Variants in HEATR9 observed in about 807,000 individuals in gnomAD.
The protein encoded by HEATR9 is protein HEATR9.
In HEATR9, 54 loss-of-function variants were observed where a neutral mutation model predicts 68.2. The observed-to-expected ratio is 0.79, with a 90% CI of 0.64 to 0.99. The LOEUF (loss-of-function observed/expected upper bound fraction) is 0.99. Ranked by LOEUF, HEATR9 falls within the 50% of genes least tolerant of loss-of-function variation. The probability of loss-of-function intolerance (pLI) is 0.00; values close to 1 mark genes in which losing one functional copy is unlikely to be tolerated. For synonymous variants in HEATR9, 241 were observed against 253.5 expected (o/e 0.95, Z 0.47); for missense variants, 662 against 679.7 (o/e 0.97, Z 0.29).
At chr17:35,856,396 A>G in intron 12 of HEATR9, 172 bp from the exon 13 acceptor site, 1 of 1,533,228 alleles carries the variant, frequency 6.5e-7, no homozygotes, top group South Asian at 1.2e-5. Context: ...AAAAAGAGGC[A>G]CCACAGTTTG....
intron 8 of HEATR9, among the ~76,000 whole-genome samples, chr17:35,859,805 C>A (rs982327043): frequency 6.6e-6 from 1 of 152,198 alleles, no homozygotes; most frequent in Non-Finnish European, 1.5e-5. Flanking sequence ...TACTGTTTTT[C>A]CCTGGGCAGT....
chr17:35,855,063 T>G lies in HEATR9; in HGVS notation c.1713A>C (p.Ter571TyrextTer31). The G allele has an allele frequency of 1.9e-6, 3 of 1,610,318 alleles. No homozygotes were observed. The highest frequency in any genetic ancestry group is 2.5e-6 in the Non-Finnish European group (3 of 1,178,292). The change falls in exon 15 of 15, where the codon TAA (stop) becomes TAC (tyrosine). Residue 571 changes from the stop codon to tyrosine, a stop_lost. Coordinates refer to ENST00000604834, the MANE Select transcript of HEATR9 (RefSeq NM_152781.4). ...CGGGGAGTAGGCCCAAAGAATTGAC[T>G]TATTTGGCAATTTCAGCAAGGACCC... ...QLRVLAEIAK[*>Y] is the part of the protein sequence containing the mutation.
chr17:35,859,748 G>C (rs557451426), intron 8 of HEATR9, among the ~76,000 whole-genome samples: 1 of 152,214 alleles, frequency 6.6e-6, no homozygotes, highest in Non-Finnish European at 1.5e-5. Context: ...TTGTTAAAAT[G>C]TGTGAGCACA....
intron 8 of HEATR9, chr17:35,861,436 C>A: frequency 1.2e-6 from 2 of 1,605,388 alleles, no homozygotes; most frequent in Non-Finnish European, 1.7e-6. Flanking sequence ...GCGAGGATTG[C>A]GCTTCTTTTT....
intron 8 of HEATR9, among the ~76,000 whole-genome samples, chr17:35,862,347 A>G (rs2088024223): frequency 6.6e-6 from 1 of 152,184 alleles, no homozygotes; most frequent in Admixed American, 6.5e-5. Flanking sequence ...TAAATGGATG[A>G]ATGATGGATT....
intron 7 of HEATR9, 98 bp downstream of exon 7, chr17:35,863,404 G>A: frequency 2.3e-6 from 3 of 1,304,460 alleles, no homozygotes; most frequent in Non-Finnish European, 3.3e-6. Context: ...CAAATGGTAG[G>A]TTGGAGCAAG....
intron 2 of HEATR9, 71 bp downstream of exon 2, chr17:35,866,653 G>C: frequency 7.1e-7 from 1 of 1,413,634 alleles, no homozygotes; most frequent in East Asian, 2.3e-5. Context: ...TGGCTTTAAT[G>C]GGAAGGGATA....
In HEATR9 at chr17:35,858,955, C is replaced by G; in HGVS notation, c.872G>C (p.Cys291Ser). 1 of 1,614,200 alleles carries G rather than the reference C, an allele frequency of 6.2e-7. No individual in the cohort carries two copies. Among genetic ancestry groups the G allele is most frequent in the African/African-American group, 1.3e-5 (1 of 75,042 alleles). Residue 291 changes from cysteine (C) to serine (S), a missense_variant, in exon 9 of 15, where the codon TGC (cysteine) becomes TCC (serine). By Grantham distance (112) the Cys-to-Ser change is moderately radical. Coordinates refer to ENST00000604834, the MANE Select transcript of HEATR9 (RefSeq NM_152781.4). ...CAAGAACTCTTGGACCATGTTGCTG[C>G]AAGGCCTCAGGAAACCCAGGCACAG... ...AALCLGFLRP[C>S]SNMVQEFLLQ... is the part of the protein sequence containing the mutation.
chr17:35,858,839 A>G (rs2087870979), intron 9 of HEATR9, 49 bp downstream of exon 9: 1 of 1,590,752 alleles, frequency 6.3e-7, no homozygotes, highest in South Asian at 1.1e-5. Flanking sequence ...CACACAATTC[A>G]GCAGTGGCTT....
chr17:35,857,211 C>G (rs1158551786), intron 11 of HEATR9, among the ~76,000 whole-genome samples: 2 of 152,062 alleles, frequency 1.3e-5, no homozygotes, highest in Non-Finnish European at 2.9e-5. Flanking sequence ...AGAGAGGTGA[C>G]CAAATGGACT....
intron 11 of HEATR9, among the ~76,000 whole-genome samples, chr17:35,857,265 T>C (rs2087806644): frequency 6.6e-6 from 1 of 152,036 alleles, no homozygotes; most frequent in African/African-American, 2.4e-5. Flanking sequence ...GGACAACAGG[T>C]ATAAATCAGG....
At position 35,859,090 on chromosome 17, in the gene HEATR9, G is replaced by C. The variant is rs186645773; in HGVS notation, c.757-20C>G. Reference sequence around the variant, plus strand: ...AGTCCTCTGTGAGGGAGACAAAATGGCTAAGGGGAGGGGCTATGTACTTTA... The same window carrying C: ...AGTCCTCTGTGAGGGAGACAAAATGCCTAAGGGGAGGGGCTATGTACTTTA... On this transcript the variant is annotated intron_variant, in intron 8 of 14. Coordinates refer to ENST00000604834, the MANE Select transcript of HEATR9 (RefSeq NM_152781.4). 7.5e-6 allele frequency: 12 copies of C among 1,610,512 alleles called. No individual in the cohort carries two copies. In the East Asian group the frequency reaches 2.7e-4, roughly 36 times the overall value.
At chr17:35,864,588 A>C (rs756468550) in intron 4 of HEATR9, 35 bp from the exon 5 acceptor site, 1 of 1,598,942 alleles carries the variant, frequency 6.3e-7, no homozygotes, top group East Asian at 2.2e-5. Context: ...AAAGGAAGAC[A>C]GAGAAAAATA....
rs1598601537 is a variant in HEATR9 at position 35,864,249 on chromosome 17, C to T, written c.564G>A (p.Gln188=). 6.2e-7 allele frequency: 1 copy of T among 1,610,654 alleles called. No homozygotes were observed. Among genetic ancestry groups the T allele is most frequent in the Non-Finnish European group, 8.5e-7 (1 of 1,176,796 alleles). ...SDKFVMEALQ[Q]VAQTGPEKVK... ...CTCCAGCAGTTCTCAGACTCACCAC[C>T]TGCTGTAGTGCCTCCATGACAAACT... The change falls in exon 6 of 15, where the codon CAG becomes CAA. Residue 188 remains glutamine (Q), a synonymous_variant. Transcript: ENST00000604834.
At chr17:35,857,776 A>G (rs992043451) in intron 11 of HEATR9, among the ~76,000 whole-genome samples, 5 of 152,160 alleles carry the variant, frequency 3.3e-5, no homozygotes, top group African/African-American at 1.2e-4. Flanking sequence ...AAGAAAAAAA[A>G]TATAACACCT....
rs2088210933 is a variant in HEATR9 at position 35,866,790 on chromosome 17, G to A, written c.89-17C>T. 6.2e-7 allele frequency: 1 copy of A among 1,613,040 alleles called. No individual in the cohort carries two copies. Among genetic ancestry groups the A allele is most frequent in the Non-Finnish European group, 8.5e-7 (1 of 1,179,028 alleles). ...TTCTGAGTTCTGGCAAGAGGGATAA[G>A]AGTATGTGTGTGGTTCAAATGAGAT... On this transcript the variant is annotated splice_polypyrimidine_tract_variant and intron_variant, in intron 1 of 14. Transcript: ENST00000604834.
At chr17:35,867,255 C>T (rs924556588) in intron 1 of HEATR9, among the ~76,000 whole-genome samples, 14 of 151,396 alleles carry the variant, frequency 9.2e-5, no homozygotes, top group Admixed American at 2.0e-4. Flanking sequence ...AGCGAGACTC[C>T]GTCTCAAAAA....
At chr17:35,855,842 A>AAAGGGGCTAGAATGGGGG in intron 13 of HEATR9, 92 bp from the exon 14 acceptor site, 2 of 1,072,860 alleles carry the variant, frequency 1.9e-6, no homozygotes, top group Non-Finnish European at 2.9e-6. Flanking sequence ...GAGACTCTGC[A>AAAGGGGCTAGAATGGGGG]GCATAGAGAG....
intron 2 of HEATR9, 129 bp from the exon 3 acceptor site, chr17:35,865,525 C>T: frequency 4.6e-6 from 3 of 648,096 alleles, no homozygotes; most frequent in Non-Finnish European, 7.9e-6. Context: ...CTCATCTGAG[C>T]TGGAGTCACA....
Sources: gnomAD v4.1 joint callset for allele counts (sites outside exome capture counted in the v4.1 genomes callset) on GRCh38, gnomAD v4.1.1 for gene constraint, MANE v1.5 for transcripts, NCBI Gene and HGNC (gene_info 2026-07-23, HGNC 2026-07-21) for gene names.